Variants in DACH2 observed in about 807,000 individuals in gnomAD.
DACH2 encodes dachshund homolog 2.
DACH2 carries 17 observed loss-of-function variants against 35.8 expected under a neutral mutation model. The ratio of observed to expected loss-of-function variants is 0.48; its 90% CI spans 0.33 to 0.71. The LOEUF (loss-of-function observed/expected upper bound fraction) is 0.71, where lower values mean the gene tolerates loss of function less well. Ranked by LOEUF, DACH2 falls within the 30% of genes least tolerant of loss-of-function variation. The pLI, the probability that DACH2 is intolerant of heterozygous loss-of-function variation, is 0.02. For synonymous variants in DACH2, 195 were observed against 177.3 expected (o/e 1.10, Z -0.79); for missense variants, 469 against 472.7 (o/e 0.99, Z 0.07).
chrX:86,297,043 GTATATA>G (rs35078642), intron 1 of DACH2, among the ~76,000 whole-genome samples: 974 of 89,797 alleles, frequency 0.011, 12 homozygotes, highest in Admixed American at 0.058. Context: ...ATATAATTGT[GTATATA>G]TATATATATA....
chrX:86,532,626 T>G (rs1478629996), intron 3 of DACH2, among the ~76,000 whole-genome samples: 1 of 111,329 alleles, frequency 9.0e-6, no homozygotes, highest in Admixed American at 9.6e-5. Flanking sequence ...CCCCTTTTCT[T>G]TAAAATTACC....
chrX:86,394,986 C>T (rs948573323), intron 2 of DACH2, among the ~76,000 whole-genome samples: 5 of 111,812 alleles, frequency 4.5e-5, no homozygotes, highest in African/African-American at 1.6e-4. Flanking sequence ...GCCGTCATCC[C>T]TACTCGGGCC....
At chrX:86,455,050 G>A (rs778412967) in intron 2 of DACH2, among the ~76,000 whole-genome samples, 12 of 110,883 alleles carry the variant, frequency 1.1e-4, no homozygotes, top group Non-Finnish European at 1.7e-4. Flanking sequence ...GTGGTTTGCT[G>A]GGGGTGCACT....
At chrX:86,681,018 A>G (rs2040875322) in intron 4 of DACH2, among the ~76,000 whole-genome samples, 1 of 110,840 alleles carries the variant, frequency 9.0e-6, no homozygotes, top group South Asian at 3.9e-4. Flanking sequence ...CTATGTATCT[A>G]TATATGTATC....
intron 7 of DACH2, among the ~76,000 whole-genome samples, chrX:86,791,184 C>T (rs1480564275): frequency 9.0e-6 from 1 of 110,646 alleles, no homozygotes; most frequent in Non-Finnish European, 1.9e-5. Flanking sequence ...GTAAGTGGAC[C>T]TGCACAGTTC....
chrX:86,512,409 G>A (rs1226621245), intron 2 of DACH2, among the ~76,000 whole-genome samples: 1 of 111,074 alleles, frequency 9.0e-6, no homozygotes, highest in Non-Finnish European at 1.9e-5. Context: ...GCTTCAGATA[G>A]TGAGAATTGA....
intron 3 of DACH2, 147 bp from the exon 4 acceptor site, chrX:86,650,889 A>C: frequency 4.3e-6 from 2 of 462,665 alleles, no homozygotes; most frequent in Non-Finnish European, 6.6e-6. Context: ...AATGATCCCC[A>C]TTTTACAAAG....
intron 3 of DACH2, among the ~76,000 whole-genome samples, chrX:86,621,596 G>T (rs1355576044): frequency 9.0e-6 from 1 of 111,038 alleles, no homozygotes; most frequent in Non-Finnish European, 1.9e-5. Context: ...TTAAAGCTTT[G>T]TTCAATTCTC....
At chrX:86,331,550 C>T (rs1047689067) in intron 1 of DACH2, among the ~76,000 whole-genome samples, 3 of 111,384 alleles carry the variant, frequency 2.7e-5, no homozygotes, top group African/African-American at 9.8e-5. Flanking sequence ...GTCCTCCAGG[C>T]TGACATTGCT....
At chrX:86,290,540 G>T (rs1322011055) in intron 1 of DACH2, among the ~76,000 whole-genome samples, 1 of 104,018 alleles carries the variant, frequency 9.6e-6, no homozygotes, top group Non-Finnish European at 2.0e-5. Flanking sequence ...TTCTTCTAGG[G>T]TTTTTATGGT....
intron 5 of DACH2, among the ~76,000 whole-genome samples, chrX:86,706,422 T>C (rs2041217328): frequency 9.0e-6 from 1 of 111,228 alleles, no homozygotes; most frequent in Non-Finnish European, 1.9e-5. Flanking sequence ...TAGTGGTATT[T>C]GTAAATGGAA....
intron 5 of DACH2, among the ~76,000 whole-genome samples, chrX:86,708,157 A>G (rs762421451): frequency 9.1e-6 from 1 of 109,932 alleles, no homozygotes; most frequent in Non-Finnish European, 1.9e-5. Flanking sequence ...GTTAAAGAAC[A>G]TCTATAAAAA....
At chrX:86,515,096 G>A (rs1039464642) in intron 3 of DACH2, among the ~76,000 whole-genome samples, 1 of 111,117 alleles carries the variant, frequency 9.0e-6, no homozygotes, top group Non-Finnish European at 1.9e-5. Flanking sequence ...TAATAACAAT[G>A]ATATCTTTAT....
At chrX:86,638,984 G>A (rs187987999) in intron 3 of DACH2, among the ~76,000 whole-genome samples, 10 of 111,975 alleles carry the variant, frequency 8.9e-5, no homozygotes, top group African/African-American at 2.3e-4. Flanking sequence ...CACTAGTCAC[G>A]ATAGCAAAGA....
intron 2 of DACH2, among the ~76,000 whole-genome samples, chrX:86,411,612 G>A (rs1022201521): frequency 1.8e-5 from 2 of 111,696 alleles, no homozygotes; most frequent in Admixed American, 1.9e-4. Context: ...ATACTTAAAT[G>A]CTGATATGAA....
intron 4 of DACH2, among the ~76,000 whole-genome samples, chrX:86,678,938 T>A (rs1269911627): frequency 9.0e-6 from 1 of 111,320 alleles, no homozygotes; most frequent in Non-Finnish European, 1.9e-5. Flanking sequence ...TAGACAAAAC[T>A]ATGGAGCTGC....
In DACH2 at chrX:86,474,796, C is replaced by T. The variant is rs148288624; in HGVS notation, c.528-39483C>T. Among the ~76,000 whole-genome samples the T allele has an allele frequency of 4.4e-3, 494 of 111,814 alleles. 1 individual carries two copies. Among genetic ancestry groups the T allele is most frequent in the African/African-American group, 0.015 (454 of 30,771 alleles). ...TTGCCCAGGCTGGAGTGCAATGGCACGATCTTGGCTCACTGCAACCTCCGC... is the reference window on the plus strand; with the variant it reads ...TTGCCCAGGCTGGAGTGCAATGGCATGATCTTGGCTCACTGCAACCTCCGC... On this transcript the variant is annotated intron_variant, in intron 2 of 11. Transcript: ENST00000373125.
intron 3 of DACH2, among the ~76,000 whole-genome samples, chrX:86,595,510 T>A (rs2039700205): frequency 9.0e-6 from 1 of 111,248 alleles, no homozygotes; most frequent in Admixed American, 9.6e-5. Context: ...TAAAGTTGAT[T>A]TCTTGTAAAA....
At chrX:86,261,383 T>C (rs1449302164) in intron 1 of DACH2, among the ~76,000 whole-genome samples, 1 of 111,959 alleles carries the variant, frequency 8.9e-6, no homozygotes, top group Admixed American at 9.6e-5. Flanking sequence ...AAACAATTGG[T>C]AGTAAAGCAA....
Sources: allele counts gnomAD v4.1 joint callset (sites outside exome capture counted in the v4.1 genomes callset), GRCh38; gene constraint gnomAD v4.1.1; transcripts MANE v1.5; gene names NCBI Gene and HGNC (gene_info 2026-07-23, HGNC 2026-07-21).